Variants in MAPRE2 observed in about 807,000 individuals in gnomAD.
MAPRE2 encodes the protein microtubule-associated protein RP/EB family member 2.
MAPRE2 carries 13 observed loss-of-function variants against 43.2 expected under a neutral mutation model. The ratio of observed to expected loss-of-function variants is 0.30; its 90% CI spans 0.20 to 0.48. MAPRE2 has a LOEUF of 0.48. MAPRE2 is among the 20% of genes least tolerant of loss of function. The pLI is 0.99. For synonymous variants in MAPRE2, 135 were observed against 148.8 expected (o/e 0.91, Z 0.68); for missense variants, 161 against 400.2 (o/e 0.40, Z 5.10).
intron 1 of MAPRE2, among the ~76,000 whole-genome samples, chr18:35,049,084 G>A (rs1362754225): frequency 6.6e-6 from 1 of 151,970 alleles, no homozygotes; most frequent in Non-Finnish European, 1.5e-5. Flanking sequence ...TTAATTTTTT[G>A]TTCTTTATTT....
intron 1 of MAPRE2, among the ~76,000 whole-genome samples, chr18:34,982,750 C>T (rs2097017069): frequency 2.6e-5 from 4 of 152,016 alleles, no homozygotes; most frequent in African/African-American, 7.2e-5. Context: ...CATACAATTA[C>T]ATTAAGCTGT....
intron 1 of MAPRE2, among the ~76,000 whole-genome samples, chr18:35,002,752 G>A (rs149769729): frequency 9.7e-4 from 148 of 152,068 alleles, no homozygotes; most frequent in Middle Eastern, 3.4e-3. Flanking sequence ...CCCATTTTCC[G>A]ACTAAGTTGG....
At chr18:34,990,998 TCCTGAGCCTCTGCTTTTTGTTTTTC>T (rs2097023487) in intron 1 of MAPRE2, among the ~76,000 whole-genome samples, 1 of 152,206 alleles carries the variant, frequency 6.6e-6, no homozygotes, top group South Asian at 2.1e-4. Flanking sequence ...GAGGATCAGC[TCCTGAGCCTCTGCTTTTTGTTTTTC>T]AACTTCTATT....
chr18:34,997,866 T>C (rs2097027294), intron 1 of MAPRE2, among the ~76,000 whole-genome samples: 1 of 152,184 alleles, frequency 6.6e-6, no homozygotes, highest in Non-Finnish European at 1.5e-5. Flanking sequence ...CTGGGTGATG[T>C]GATATATATA....
At chr18:35,096,548 C>T (rs545953340) in intron 2 of MAPRE2, among the ~76,000 whole-genome samples, 4 of 151,796 alleles carry the variant, frequency 2.6e-5, no homozygotes, top group Non-Finnish European at 5.9e-5. Context: ...CCAGGGGGCT[C>T]ATTGGACATT....
At chr18:35,052,880 T>C (rs1203572339) in intron 1 of MAPRE2, among the ~76,000 whole-genome samples, 1 of 152,208 alleles carries the variant, frequency 6.6e-6, no homozygotes, top group East Asian at 1.9e-4. Context: ...CAAATCTTTT[T>C]CCATTTAAAA....
intron 2 of MAPRE2, among the ~76,000 whole-genome samples, chr18:35,033,599 T>C (rs1160579556): frequency 6.6e-6 from 1 of 151,436 alleles, no homozygotes; most frequent in Admixed American, 6.6e-5. Context: ...GACATGATTG[T>C]ATATCTAGAA....
rs529307789 is a variant in MAPRE2, at chr18:35,061,137, G to A, written c.123-9058G>A. The stretch of plus-strand genomic sequence containing the variant: ...ATGGAACTTTGTATGCACATTAAAA[G>A]CATTATCATTAAGAAGTGACTGATA... On this transcript the variant is annotated intron_variant, in intron 1 of 6. Transcript: ENST00000300249. Among the ~76,000 whole-genome samples the A allele has an allele frequency of 1.1e-4, 16 of 152,238 alleles. 1 individual carries two copies. The highest frequency in any genetic ancestry group is 3.4e-3 in the Middle Eastern group (1 of 294).
intron 4 of MAPRE2, among the ~76,000 whole-genome samples, chr18:35,111,674 T>C (rs1909182111): frequency 6.6e-6 from 1 of 152,238 alleles, no homozygotes; most frequent in Admixed American, 6.5e-5. Context: ...GCCTCAGGCC[T>C]GTCTGTGCCT....
At position 34,985,296 on chromosome 18, in the gene MAPRE2, T is replaced by A. The variant is rs1422706407; in HGVS notation, c.-70+8217T>A. Among the ~76,000 whole-genome samples, 38 of 14,716 alleles carry A rather than the reference T, an allele frequency of 2.6e-3. 1 individual carries two copies. Among genetic ancestry groups the A allele is most frequent in the African/African-American group, 7.1e-3 (34 of 4,806 alleles). 9.7% of individuals were successfully genotyped at this position (14,716 alleles called of 152,430 possible). On this transcript the variant is annotated intron_variant, in intron 1 of 7. Transcript: ENST00000413393. Reference sequence around the variant, plus strand: ...TAATATAATATATTATATATTATATTATATATTGTATATATTATATTATAT... The same window carrying A: ...TAATATAATATATTATATATTATATAATATATTGTATATATTATATTATAT...
intron 1 of MAPRE2, among the ~76,000 whole-genome samples, chr18:35,048,738 C>CTA (rs2150603654): frequency 6.7e-6 from 1 of 148,918 alleles, no homozygotes; most frequent in South Asian, 2.1e-4. Context: ...TGTGTTAATA[C>CTA]TATAACACAA....
intron 1 of MAPRE2, among the ~76,000 whole-genome samples, chr18:34,987,576 T>C (rs1258788142): frequency 1.3e-5 from 2 of 152,222 alleles, no homozygotes; most frequent in Non-Finnish European, 2.9e-5. Flanking sequence ...AGGTATGAAA[T>C]CATTGTATTT....
At chr18:35,073,542 C>T (rs1907208215) in intron 2 of MAPRE2, among the ~76,000 whole-genome samples, 2 of 152,138 alleles carry the variant, frequency 1.3e-5, no homozygotes, top group South Asian at 4.1e-4. Flanking sequence ...GAAATACTTT[C>T]TCATATTTAA....
chr18:35,032,910 A>G (rs2150593080), intron 2 of MAPRE2, among the ~76,000 whole-genome samples: 1 of 152,184 alleles, frequency 6.6e-6, no homozygotes, highest in Non-Finnish European at 1.5e-5. Flanking sequence ...TCCTTCCTGT[A>G]TTGCTGGGAG....
intron 3 of MAPRE2, 52 bp from the exon 4 acceptor site, chr18:35,101,894 G>T: frequency 7.6e-7 from 1 of 1,311,730 alleles, no homozygotes; most frequent in Non-Finnish European, 1.1e-6. Context: ...TTTCTTTTGG[G>T]TATATACCCA....
chr18:35,130,115 G>C (rs116634143), intron 5 of MAPRE2, among the ~76,000 whole-genome samples: 1 of 151,826 alleles, frequency 6.6e-6, no homozygotes, highest in Non-Finnish European at 1.5e-5. Flanking sequence ...ACCTATTTTC[G>C]TGGGTTGGAT....
chr18:34,998,411 C>T (rs993801558), intron 1 of MAPRE2, among the ~76,000 whole-genome samples: 2 of 148,658 alleles, frequency 1.3e-5, no homozygotes, highest in Admixed American at 1.4e-4. Flanking sequence ...ACTGCAAGCT[C>T]TGCCTCCCAG....
At chr18:35,031,563 G>T (rs1223292453) in intron 2 of MAPRE2, among the ~76,000 whole-genome samples, 1 of 152,136 alleles carries the variant, frequency 6.6e-6, no homozygotes, top group Non-Finnish European at 1.5e-5. Flanking sequence ...TTTTTAAATT[G>T]CATTCACATC....
At chr18:34,996,754 C>T (rs1006674779) in intron 1 of MAPRE2, among the ~76,000 whole-genome samples, 4 of 152,196 alleles carry the variant, frequency 2.6e-5, no homozygotes, top group African/African-American at 7.2e-5. Flanking sequence ...AGAATAGAAA[C>T]CTTGTATACG....
Sources: gnomAD v4.1 joint callset for allele counts (sites outside exome capture counted in the v4.1 genomes callset) on GRCh38, gnomAD v4.1.1 for gene constraint, MANE v1.5 for transcripts, NCBI Gene and HGNC (gene_info 2026-07-23, HGNC 2026-07-21) for gene names.